Variants in NELL2 observed in about 807,000 individuals in gnomAD.
NELL2 encodes protein kinase C-binding protein NELL2.
NELL2 carries 41 observed loss-of-function variants against 109.6 expected under a neutral mutation model. The observed-to-expected ratio is 0.37, with a 90% CI of 0.29 to 0.49. The LOEUF is 0.49. Ranked by LOEUF, NELL2 falls within the 20% of genes least tolerant of loss-of-function variation. The probability of loss-of-function intolerance (pLI) is 0.98; values close to 1 mark genes in which losing one functional copy is unlikely to be tolerated. For synonymous variants in NELL2, 355 were observed against 344.7 expected, an observed-to-expected ratio of 1.03 and a Z score of -0.33; for missense variants, 900 against 1,008.3, an observed-to-expected ratio of 0.89 and a Z score of 1.45.
At chr12:44,528,179 A>C (rs1941891049) in intron 16 of NELL2, among the ~76,000 whole-genome samples, 1 of 150,326 alleles carries the variant, frequency 6.7e-6, no homozygotes, top group South Asian at 2.1e-4. Context: ...TTTTCTGATA[A>C]TCTTTATAAA....
rs530015012 is a variant in NELL2 at position 44,777,184 on chromosome 12, A to G, written c.679+58T>C. ...ATTTATAAGGGGTTCAATCTGGTTAAGTCTATGCTGACAAGTAATATATGG... is the reference window on the plus strand; with the variant it reads ...ATTTATAAGGGGTTCAATCTGGTTAGGTCTATGCTGACAAGTAATATATGG... On this transcript the variant is annotated intron_variant, in intron 6 of 19. Transcript: ENST00000429094. The G allele has an allele frequency of 2.1e-5, 33 of 1,609,008 alleles. No homozygotes were observed. In the South Asian group the frequency reaches 3.5e-4, roughly 17 times the overall value.
At chr12:44,698,322 T>C (rs899591438) in intron 12 of NELL2, among the ~76,000 whole-genome samples, 1 of 152,148 alleles carries the variant, frequency 6.6e-6, no homozygotes, top group African/African-American at 2.4e-5. Context: ...AAGAAATGAT[T>C]ATGGTAGGTG....
intron 13 of NELL2, among the ~76,000 whole-genome samples, chr12:44,656,649 A>G (rs1947512020): frequency 6.6e-6 from 1 of 152,220 alleles, no homozygotes; most frequent in Non-Finnish European, 1.5e-5. Flanking sequence ...GCTGATATGC[A>G]TATTTCCACT....
At chr12:44,832,377 T>C (rs1943916047) in intron 2 of NELL2, among the ~76,000 whole-genome samples, 1 of 152,244 alleles carries the variant, frequency 6.6e-6, no homozygotes, top group Non-Finnish European at 1.5e-5. Context: ...TGAAAATGCC[T>C]ATTAACTAGT....
At chr12:44,617,359 C>G (rs1045325035) in intron 13 of NELL2, among the ~76,000 whole-genome samples, 2 of 152,098 alleles carry the variant, frequency 1.3e-5, no homozygotes, top group Non-Finnish European at 2.9e-5. Flanking sequence ...GCTAAGCTTT[C>G]TAAGTTTAAA....
chr12:44,862,735 G>A (rs1003569313), intron 2 of NELL2, among the ~76,000 whole-genome samples: 1 of 151,926 alleles, frequency 6.6e-6, no homozygotes, highest in African/African-American at 2.4e-5. Context: ...AAAACACAGT[G>A]CACAAAATGA....
intron 9 of NELL2, among the ~76,000 whole-genome samples, chr12:44,743,157 A>C (rs574612472): frequency 6.6e-6 from 1 of 152,342 alleles, no homozygotes; most frequent in South Asian, 2.1e-4. Context: ...CAACATTCTT[A>C]AAGAAAAGAA....
chr12:44,630,951 C>T (rs1946434255), intron 13 of NELL2, among the ~76,000 whole-genome samples: 1 of 151,928 alleles, frequency 6.6e-6, no homozygotes, highest in Admixed American at 6.6e-5. Flanking sequence ...GGCCCCCTTG[C>T]CTAAAATCTT....
At chr12:44,556,336 GA>G (rs1943254716) in intron 15 of NELL2, among the ~76,000 whole-genome samples, 1 of 152,134 alleles carries the variant, frequency 6.6e-6, no homozygotes, top group Non-Finnish European at 1.5e-5. Flanking sequence ...TCTTAAGTGG[GA>G]AAAAAGGATA....
At position 44,613,126 on chromosome 12, in the gene NELL2, A is replaced by G. The variant is rs561765918; in HGVS notation, c.1445-2156T>C. Among the ~76,000 whole-genome samples the G allele has an allele frequency of 3.9e-5, 6 of 152,196 alleles. No homozygotes were observed. In the East Asian group the frequency reaches 9.6e-4, roughly 24 times the overall value. On this transcript the variant is annotated intron_variant, in intron 13 of 19. Transcript: ENST00000429094. ...TGGAAAACACTTACCATTTTTAAAC[A>G]TTACAATAAAATGTCACGTATTGTG...
chr12:44,784,816 C>T (rs1382395627), intron 3 of NELL2, among the ~76,000 whole-genome samples: 5 of 151,990 alleles, frequency 3.3e-5, no homozygotes, highest in African/African-American at 1.2e-4. Flanking sequence ...AAAAGGGCTT[C>T]GATAAAATTC....
intron 14 of NELL2, among the ~76,000 whole-genome samples, chr12:44,609,812 T>C (rs1215727870): frequency 6.6e-6 from 1 of 152,064 alleles, no homozygotes; most frequent in Non-Finnish European, 1.5e-5. Flanking sequence ...TTCCTTGTTC[T>C]TTCCTACCTC....
chr12:44,696,775 C>G (rs1441765822), intron 12 of NELL2, among the ~76,000 whole-genome samples: 2 of 152,118 alleles, frequency 1.3e-5, no homozygotes, highest in African/African-American at 4.8e-5. Flanking sequence ...CTAAGCATTT[C>G]AAACTATCAG....
At chr12:44,599,913 A>G (rs1483577433) in intron 15 of NELL2, among the ~76,000 whole-genome samples, 2 of 151,056 alleles carry the variant, frequency 1.3e-5, no homozygotes, top group African/African-American at 4.8e-5. Flanking sequence ...CCCCCCAAAA[A>G]CAATGGAATA....
intron 3 of NELL2, among the ~76,000 whole-genome samples, chr12:44,791,066 TATATATATATATATAC>T (rs1942367035): frequency 1.8e-4 from 1 of 5,440 alleles, no homozygotes; most frequent in Admixed American, 4.3e-3. Flanking sequence ...AAAGTTCAAG[TATATATATATATATAC>T]ATATATATAT....
intron 15 of NELL2, among the ~76,000 whole-genome samples, chr12:44,593,184 G>T (rs1361858615): frequency 6.6e-6 from 1 of 152,214 alleles, no homozygotes; most frequent in Admixed American, 6.5e-5. Flanking sequence ...TGGGAGTTAA[G>T]CTTAGGAGAG....
chr12:44,900,134 GAGACTT>G (rs1300345450), intron 1 of NELL2, among the ~76,000 whole-genome samples: 2 of 152,168 alleles, frequency 1.3e-5, no homozygotes, highest in Non-Finnish European at 2.9e-5. Flanking sequence ...GACCTACAAA[GAGACTT>G]AGACTCCCAC....
chr12:44,911,734 A>G (rs1025222686), intron 1 of NELL2, among the ~76,000 whole-genome samples: 5 of 151,924 alleles, frequency 3.3e-5, no homozygotes, highest in Non-Finnish European at 5.9e-5. Flanking sequence ...GATAAACAAG[A>G]GAAAAAACAT....
At chr12:44,913,730 C>T in intron 1 of NELL2, 2 of 591,418 alleles carry the variant, frequency 3.4e-6, no homozygotes, top group Admixed American at 3.6e-5. Flanking sequence ...GTCACTATAC[C>T]CTCCTTAAAG....
Sources: allele counts gnomAD v4.1 joint callset (sites outside exome capture counted in the v4.1 genomes callset), GRCh38; gene constraint gnomAD v4.1.1; transcripts MANE v1.5; gene names NCBI Gene and HGNC (gene_info 2026-07-23, HGNC 2026-07-21).